ABCA1: variants seen among roughly 807,000 people sequenced by gnomAD.
ABCA1 encodes ATP binding cassette subfamily A member 1.
ABCA1 carries 133 observed loss-of-function variants against 262.5 expected under a neutral mutation model. That is an observed-to-expected ratio of 0.51 (90% CI 0.44 to 0.59). The LOEUF is 0.59. Ranked by LOEUF, ABCA1 falls within the 20% of genes least tolerant of loss-of-function variation. The probability of loss-of-function intolerance (pLI) is 0.00; values close to 1 mark genes in which losing one functional copy is unlikely to be tolerated. For missense variants in ABCA1, 2,452 were observed against 2,777.5 expected (o/e 0.88, Z 2.63); for synonymous variants, 1,022 against 1,043.5 (o/e 0.98, Z 0.40).
chr9:104,808,255 G>A (rs1423834573), intron 30 of ABCA1, among the ~76,000 whole-genome samples: 2 of 152,132 alleles, frequency 1.3e-5, no homozygotes, highest in Non-Finnish European at 2.9e-5. Flanking sequence ...TCAGGGCCGG[G>A]CCTCTTTTGT....
intron 22 of ABCA1, 90 bp from the exon 23 acceptor site, chr9:104,818,973 G>C: frequency 7.8e-7 from 1 of 1,282,374 alleles, no homozygotes; most frequent in Non-Finnish European, 1.1e-6. Flanking sequence ...ATATTAGCAG[G>C]GGTAAGCACT....
intron 18 of ABCA1, 71 bp from the exon 19 acceptor site, chr9:104,822,738 A>G: frequency 6.4e-7 from 1 of 1,573,316 alleles, no homozygotes; most frequent in South Asian, 1.1e-5. Context: ...GACACAGGGC[A>G]CTGCGCTTGA....
chr9:104,837,377 C>T (rs769226332), intron 10 of ABCA1, 51 bp downstream of exon 10: 1 of 1,611,592 alleles, frequency 6.2e-7, no homozygotes, highest in Non-Finnish European at 8.5e-7. Context: ...TTTTTTGCCC[C>T]CAGTTCTGGG....
rs766258366 is a variant in ABCA1 at position 104,831,716 on chromosome 9, T to C, written c.1621A>G (p.Ile541Val). ...GGCAGCTCAATGCTGCCTGGAGTAA[T>C]TCCAGTGAACACAATACCAGCCCAG... is the stretch of plus-strand genomic sequence containing the variant. ...KFWAGIVFTG[I>V]TPGSIELPHH... The change falls in exon 13 of 50, where the codon ATT becomes GTT. Residue 541 changes from isoleucine to valine, a missense_variant. By Grantham distance (29) the Ile-to-Val change is conservative. Coordinates refer to ENST00000374736, the MANE Select transcript of ABCA1 (RefSeq NM_005502.4). 6.2e-7 allele frequency: 1 copy of C among 1,614,208 alleles called. No homozygotes were observed.
In ABCA1 at chr9:104,825,499, T is replaced by A. The variant is rs77755970; in HGVS notation, c.2542+184A>T. 2,329 of 676,460 alleles carry A rather than the reference T, an allele frequency of 3.4e-3. 45 individuals are homozygous for A. In the African/African-American group the frequency reaches 0.036, roughly 11 times the overall value. 41.9% of individuals were successfully genotyped at this position (676,460 alleles called of 1,614,324 possible). A position where few individuals can be genotyped will look rare whatever the true frequency, so the allele number is the denominator to read the frequency against. ...TGGCACACAGTTTTCAAGAAACAAG[T>A]GCTGTACAAGTAGTGACAATTGTAC... On this transcript the variant is annotated intron_variant, in intron 17 of 49. Coordinates refer to ENST00000374736, the MANE Select transcript of ABCA1 (RefSeq NM_005502.4).
At chr9:104,839,522 T>G (rs1834174627) in intron 9 of ABCA1, among the ~76,000 whole-genome samples, 1 of 90,908 alleles carries the variant, frequency 1.1e-5, no homozygotes, top group South Asian at 3.7e-4. Context: ...TGTTAGTTCT[T>G]TGTTGTTGTT....
Position 104,788,616 on chromosome 9 carries a change from C to T in ABCA1, c.5928-49G>A. 2.5e-6 allele frequency: 4 copies of T among 1,605,552 alleles called. 1 individual carries two copies. In the South Asian group the frequency reaches 3.3e-5, roughly 13 times the overall value. On this transcript the variant is annotated intron_variant, in intron 44 of 49. Coordinates refer to ENST00000374736, the MANE Select transcript of ABCA1 (RefSeq NM_005502.4). Reference sequence around the variant, plus strand: ...TAGATTTTAAGCAGGTAGAGATACTCTGGTTAGACAATCTGGCCTAATGTT... The same window carrying T: ...TAGATTTTAAGCAGGTAGAGATACTTTGGTTAGACAATCTGGCCTAATGTT...
intron 2 of ABCA1, among the ~76,000 whole-genome samples, chr9:104,895,980 G>T (rs1430871400): frequency 6.6e-6 from 1 of 152,204 alleles, no homozygotes; most frequent in African/African-American, 2.4e-5. Context: ...GCTGAAAAAT[G>T]AAGTCGCTAT....
chr9:104,890,807 T>G (rs1400782394), intron 2 of ABCA1, among the ~76,000 whole-genome samples: 2 of 152,178 alleles, frequency 1.3e-5, no homozygotes, highest in East Asian at 3.9e-4. Context: ...TATATTTTTA[T>G]GGAAAATTTG....
chr9:104,898,988 C>A (rs1049871639), intron 2 of ABCA1, among the ~76,000 whole-genome samples: 5 of 152,186 alleles, frequency 3.3e-5, no homozygotes, highest in South Asian at 2.1e-4. Flanking sequence ...CATCTGCTGG[C>A]CTCACTGAAC....
At chr9:104,830,740 G>A (rs553374389) in intron 14 of ABCA1, among the ~76,000 whole-genome samples, 185 bp downstream of exon 14, 72 of 152,044 alleles carry the variant, frequency 4.7e-4, no homozygotes, top group Admixed American at 1.7e-3. Flanking sequence ...TGGATGAGAA[G>A]GAAAGAGGTT....
In ABCA1 at chr9:104,824,784, C is replaced by T. The variant is rs541426103; in HGVS notation, c.2543-206G>A. On this transcript the variant is annotated intron_variant, in intron 17 of 49. Coordinates refer to ENST00000374736, the MANE Select transcript of ABCA1 (RefSeq NM_005502.4). ...CTCTGTAAGTCCTTCCAACAACCCA[C>T]GGGGCAGGTGCCATCCCCATTTTAG... 5.3e-5 allele frequency among the ~76,000 whole-genome samples: 8 copies of T among 152,338 alleles called. No individual in the cohort carries two copies. In the South Asian group the frequency reaches 1.0e-3, roughly 20 times the overall value.
chr9:104,862,654 C>CAGGGCAGGGCA (rs1836603364), intron 5 of ABCA1, among the ~76,000 whole-genome samples: 1 of 7,514 alleles, frequency 1.3e-4, no homozygotes, highest in African/African-American at 6.6e-4. Context: ...CGGGCCGGGC[C>CAGGGCAGGGCA]GGGCCGGGCC....
In ABCA1 at chr9:104,820,008, C is replaced by T. The variant is rs776303990; in HGVS notation, c.3022G>A (p.Val1008Met). ...GCCATCTGCTCCATCTCCGCCTTCA[C>T]GTGCTTCTCAGAGAGCCCTTTCAAG... Reference protein sequence around the residue: ...ARLKGLSEKHVKAEMEQMALD... With the variant: ...ARLKGLSEKHMKAEMEQMALD... The change falls in exon 21 of 50, where the codon GTG becomes ATG. Residue 1008 changes from valine to methionine, a missense_variant. Physicochemically the swap from Val to Met is conservative, Grantham distance 21. Around this residue, in one of 4 missense-constraint regions of ABCA1, gnomAD observed 665 missense variants for 727.3 expected, o/e 0.91. Transcript: ENST00000374736. 14 of 1,613,968 alleles carry T rather than the reference C, an allele frequency of 8.7e-6. No homozygotes were observed. Among genetic ancestry groups the T allele is most frequent in the South Asian group, 5.5e-5 (5 of 91,076 alleles).
chr9:104,844,429 A>G (rs1306266541), intron 8 of ABCA1, among the ~76,000 whole-genome samples: 2 of 152,122 alleles, frequency 1.3e-5, no homozygotes, highest in African/African-American at 4.8e-5. Flanking sequence ...CAGAATTCAA[A>G]GAAAGAAAGT....
chr9:104,891,881 C>G (rs1839779456), intron 2 of ABCA1, among the ~76,000 whole-genome samples: 1 of 142,928 alleles, frequency 7.0e-6, no homozygotes, highest in African/African-American at 2.6e-5. Flanking sequence ...AGGAGAATCA[C>G]TTAAACCTGG....
intron 44 of ABCA1, 77 bp downstream of exon 44, chr9:104,790,844 CA>C: frequency 9.6e-7 from 1 of 1,046,720 alleles, no homozygotes. Flanking sequence ...CCACTGTAAT[CA>C]AAAATAACAA....
chr9:104,819,337 C>G (rs1832060296), intron 22 of ABCA1, among the ~76,000 whole-genome samples: 1 of 152,164 alleles, frequency 6.6e-6, no homozygotes, highest in African/African-American at 2.4e-5. Flanking sequence ...CTCTCCGCTT[C>G]CATTCATTTA....
intron 13 of ABCA1, 107 bp from the exon 14 acceptor site, chr9:104,831,208 T>C: frequency 2.7e-6 from 3 of 1,101,258 alleles, no homozygotes; most frequent in Non-Finnish European, 3.8e-6. Context: ...AGCCCCTTTT[T>C]CTATTTTTGT....
Sources: gnomAD v4.1 joint callset for allele counts (sites outside exome capture counted in the v4.1 genomes callset) on GRCh38, gnomAD v4.1.1 for gene constraint, gnomAD v4.1.1 regional missense constraint, MANE v1.5 for transcripts, NCBI Gene and HGNC (gene_info 2026-07-23, HGNC 2026-07-21) for gene names.